The following NPHP4 variants were observed in gnomAD, a reference collection of about 807,000 sequenced individuals.
NPHP4 encodes nephrocystin-4.
Under a neutral mutation model 155.8 loss-of-function variants are expected in NPHP4, and 151 were observed. The observed-to-expected ratio is 0.97, with a 90% confidence interval of 0.85 to 1.11. The LOEUF (loss-of-function observed/expected upper bound fraction) is 1.11. Among genes scored for constraint, NPHP4 ranks in the 50% least tolerant of loss-of-function variants. NPHP4 has a pLI of 0.00. For synonymous variants in NPHP4, 845 were observed against 816.8 expected, an observed-to-expected ratio of 1.03 and a Z score of -0.59; for missense variants, 1,956 against 1,925.7, an observed-to-expected ratio of 1.02 and a Z score of -0.29.
intron 25 of NPHP4, 72 bp downstream of exon 25, chr1:5,866,958 C>G (rs1296829737): frequency 1.7e-6 from 2 of 1,157,524 alleles, no homozygotes; most frequent in East Asian, 5.0e-5. Flanking sequence ...CCAGGATACC[C>G]GTGGGGAAGC....
chr1:5,944,560 A>C lies in NPHP4; in HGVS notation c.1119+2544T>G, dbSNP rs535100079. ...CGCACAGGAAGCAATTTTTGTGTGGAAGGTCATTTCACACACTGCAACATT... is the reference window on the plus strand; with the variant it reads ...CGCACAGGAAGCAATTTTTGTGTGGCAGGTCATTTCACACACTGCAACATT... On this transcript the variant is annotated intron_variant, in intron 9 of 29. Transcript: ENST00000378156. This position sits in a 1 kb window ranked among gnomAD's most constrained non-coding sequence, Gnocchi z 4.3. 4.7e-4 allele frequency among the ~76,000 whole-genome samples: 72 copies of C among 152,314 alleles called. No homozygotes were observed. Among genetic ancestry groups the C allele is most frequent in the African/African-American group, 1.5e-3 (64 of 41,554 alleles).
At chr1:5,988,959 G>A (rs1655870792) in intron 1 of NPHP4, among the ~76,000 whole-genome samples, 1 of 152,210 alleles carries the variant, frequency 6.6e-6, no homozygotes, top group Non-Finnish European at 1.5e-5. Flanking sequence ...CACACATGCT[G>A]GTTTGTTCCT....
intron 3 of NPHP4, among the ~76,000 whole-genome samples, chr1:5,973,361 A>C (rs1053179314): frequency 6.6e-6 from 1 of 152,242 alleles, no homozygotes; most frequent in Non-Finnish European, 1.5e-5. Context: ...TGGCTTACTT[A>C]GAAAAGTAAG....
intron 1 of NPHP4, among the ~76,000 whole-genome samples, chr1:5,991,192 G>A (rs575405735): frequency 6.6e-6 from 1 of 152,240 alleles, no homozygotes; most frequent in Admixed American, 6.5e-5. Context: ...AGCACTGCCT[G>A]GAATTCCCTC....
At chr1:5,877,363 A>G in intron 19 of NPHP4, 65 bp from the exon 20 acceptor site, 1 of 1,393,414 alleles carries the variant, frequency 7.2e-7, no homozygotes, top group South Asian at 1.4e-5. Context: ...AGCAGACACC[A>G]GGGCAGGCCT....
Position 5,865,092 on chromosome 1 carries a change from G to A in NPHP4, c.3816+10C>T. On this transcript the variant is annotated intron_variant, in intron 27 of 29. Coordinates refer to ENST00000378156, the MANE Select transcript of NPHP4 (RefSeq NM_015102.5). ...GGAGAGGCTCAGAACAGCCCCCAGA[G>A]AGGCCGTACCTTCAGCTCCTGGGGA... 1.2e-6 allele frequency: 2 copies of A among 1,612,962 alleles called. No individual in the cohort carries two copies. The highest frequency in any genetic ancestry group is 1.7e-6 in the Non-Finnish European group (2 of 1,179,302).
At chr1:5,915,156 T>C (rs1645405612) in intron 11 of NPHP4, among the ~76,000 whole-genome samples, 1 of 152,212 alleles carries the variant, frequency 6.6e-6, no homozygotes, top group Non-Finnish European at 1.5e-5. Flanking sequence ...ACGCAGAGGC[T>C]GTTGCTTAGC....
At chr1:5,898,037 G>A (rs969271610) in intron 16 of NPHP4, among the ~76,000 whole-genome samples, 3 of 152,244 alleles carry the variant, frequency 2.0e-5, no homozygotes, top group African/African-American at 7.2e-5. Context: ...GGCTGTGCTA[G>A]GTGGCCCGGA....
At position 5,895,665 on chromosome 1, in the gene NPHP4, G is replaced by A. The variant is rs182346098; in HGVS notation, c.2144-4637C>T. ...GCCCCGGGCAGCGGCACCCGAGAGA[G>A]GGTGTGGGGCAGTGTCTGTCAACAC... is the stretch of plus-strand genomic sequence containing the variant. On this transcript the variant is annotated intron_variant, in intron 16 of 29. Coordinates refer to ENST00000378156, the MANE Select transcript of NPHP4 (RefSeq NM_015102.5). Among the ~76,000 whole-genome samples, 40 of 152,356 alleles carry A rather than the reference G, an allele frequency of 2.6e-4. No homozygotes were observed. In the East Asian group the frequency reaches 7.5e-3, roughly 29 times the overall value.
intron 23 of NPHP4, 132 bp from the exon 24 acceptor site, chr1:5,868,028 G>C (rs1308165276): frequency 1.0e-6 from 1 of 998,448 alleles, no homozygotes; most frequent in African/African-American, 1.6e-5. Flanking sequence ...GAGCGGGGAA[G>C]GTCGGGCATC....
chr1:5,939,598 C>T (rs1413987123), intron 9 of NPHP4, among the ~76,000 whole-genome samples: 4 of 152,164 alleles, frequency 2.6e-5, no homozygotes, highest in Non-Finnish European at 5.9e-5. Context: ...CTGGGTCTCA[C>T]AGAGCCAATG....
Position 5,874,487 on chromosome 1 carries a change from T to G in NPHP4, c.3215A>C (p.Gln1072Pro). The change falls in exon 22 of 30, where the codon CAG becomes CCG. Residue 1072 changes from glutamine to proline, a missense_variant. By Grantham distance (76) the Gln-to-Pro change is moderately conservative. Transcript: ENST00000378156. ...CACCCGCACCTGCACCATGGCCAGC[T>G]GCCCTGCAGAGAAGCTCTGGAACTT... The part of the protein sequence containing the change: ...PFKFQSFSAG[Q>P]LAMVQASPGL... 1 of 1,555,408 alleles carries G rather than the reference T, an allele frequency of 6.4e-7. No individual in the cohort carries two copies.
At chr1:5,927,491 T>C (rs1390710676) in intron 11 of NPHP4, among the ~76,000 whole-genome samples, 158 bp downstream of exon 11, 2 of 152,190 alleles carry the variant, frequency 1.3e-5, no homozygotes, top group African/African-American at 4.8e-5. Context: ...ACCTTGGTAT[T>C]AAGCAAAAAC....
chr1:5,905,708 A>G lies in NPHP4; in HGVS notation c.1687T>C (p.Ser563Pro). Residue 563 changes from serine to proline, a missense_variant, in exon 14 of 30, where the codon TCC becomes CCC. Coordinates refer to ENST00000378156, the MANE Select transcript of NPHP4 (RefSeq NM_015102.5). The surrounding 1 kb of genome is among the most constrained non-coding windows in gnomAD (Gnocchi z 4.0). The part of the protein sequence containing the change: ...LSQTSLVLET[S>P]IAEQLQELPF... ...AGCTCCTGTAACTGTTCGGCAATGG[A>G]TGTTTCCAGGACCAGGGAGGTCTGG... 1 of 1,613,780 alleles carries G rather than the reference A, an allele frequency of 6.2e-7. No homozygotes were observed. Among genetic ancestry groups the G allele is most frequent in the Non-Finnish European group, 8.5e-7 (1 of 1,179,810 alleles).
In NPHP4 at chr1:5,864,447, A is replaced by AG; in HGVS notation, c.3886dup (p.Leu1296ProfsTer2). ...ATGGACAAAGCGGCTGCCGGCCCTA[A>AG]GGGGCCTCACGCCAACATGCAGGTC... On this transcript the variant is annotated frameshift_variant, in exon 28 of 30. Coordinates refer to ENST00000378156, the MANE Select transcript of NPHP4 (RefSeq NM_015102.5). LOFTEE classifies it high-confidence loss of function. 1 of 1,607,060 alleles carries AG rather than the reference A, an allele frequency of 6.2e-7. No homozygotes were observed. Among genetic ancestry groups the AG allele is most frequent in the Non-Finnish European group, 8.5e-7 (1 of 1,177,216 alleles).
At chr1:5,908,593 G>A (rs1645026211) in intron 12 of NPHP4, among the ~76,000 whole-genome samples, 1 of 152,206 alleles carries the variant, frequency 6.6e-6, no homozygotes, top group East Asian at 1.9e-4. Context: ...TCAGACCGCT[G>A]GCGGGCAACG....
Position 5,978,420 on chromosome 1 carries a change from G to A in NPHP4, c.136-7C>T. On this transcript the variant is annotated splice_region_variant and splice_polypyrimidine_tract_variant and intron_variant, in intron 2 of 29. Transcript: ENST00000378156. ...ACAGTACCTCCAGCACGCCCTAGGA[G>A]ACAACGGGGAATTGACCCTCAAGAG... 1 of 1,597,588 alleles carries A rather than the reference G, an allele frequency of 6.3e-7. No homozygotes were observed. Among genetic ancestry groups the A allele is most frequent in the East Asian group, 2.3e-5 (1 of 44,150 alleles).
chr1:5,978,044 C>T (rs113600816), intron 3 of NPHP4, among the ~76,000 whole-genome samples: 1 of 151,310 alleles, frequency 6.6e-6, no homozygotes, highest in East Asian at 2.0e-4. Context: ...TCAACCAGAG[C>T]AGAGCAGAGC....
intron 26 of NPHP4, 131 bp from the exon 27 acceptor site, chr1:5,865,404 A>C (rs1641111787): frequency 1.2e-6 from 1 of 819,504 alleles, no homozygotes; most frequent in South Asian, 2.2e-5. Flanking sequence ...GGACCAGGCC[A>C]CAGGAGGCAG....
Sources: allele counts gnomAD v4.1 joint callset (sites outside exome capture counted in the v4.1 genomes callset), GRCh38; gene constraint gnomAD v4.1.1; non-coding constraint Gnocchi (gnomAD v3.1); transcripts MANE v1.5; gene names NCBI Gene and HGNC (gene_info 2026-07-23, HGNC 2026-07-21).